TSTD1: variants seen among roughly 807,000 people sequenced by gnomAD.
TSTD1 encodes the protein thiosulfate:glutathione sulfurtransferase.
Under a neutral mutation model 12.6 loss-of-function variants are expected in TSTD1, and 7 were observed. The ratio of observed to expected loss-of-function variants is 0.55; its 90% confidence interval spans 0.32 to 1.04. The LOEUF (loss-of-function observed/expected upper bound fraction) is 1.04. Among genes scored for constraint, TSTD1 ranks in the 50% least tolerant of loss-of-function variants. The pLI, the probability that TSTD1 is intolerant of heterozygous loss-of-function variation, is 0.05. For synonymous variants in TSTD1, 73 were observed against 59.7 expected (o/e 1.22, Z -1.03); for missense variants, 156 against 151.0 (o/e 1.03, Z -0.17).
chr1:161,038,396 A>T (rs1381765323), intron 2 of TSTD1, 155 bp downstream of exon 2: 1 of 923,406 alleles, frequency 1.1e-6, no homozygotes. Context: ...GCCCCCCATC[A>T]GTCCTTCCTA....
At chr1:161,038,781 C>CA in intron 1 of TSTD1, 99 bp downstream of exon 1, 2 of 1,520,526 alleles carry the variant, frequency 1.3e-6, no homozygotes, top group Non-Finnish European at 1.8e-6. Context: ...TGCACGAAGA[C>CA]CCCTCAGCCA....
In TSTD1 at chr1:161,038,941, C is replaced by G. The variant is rs1415232611; in HGVS notation, c.-52G>C. 1.3e-6 allele frequency: 2 copies of G among 1,547,408 alleles called. No homozygotes were observed. The highest frequency in any genetic ancestry group is 1.4e-5 in the African/African-American group (1 of 72,968). ...GGAGTGCGGCCCTGGCCCGCCCTCT[C>G]GGCGCCTGCAACATCTCCCGTTCCC... On this transcript the variant is annotated 5_prime_UTR_variant, in exon 1 of 4. Coordinates refer to ENST00000423014, the MANE Select transcript of TSTD1 (RefSeq NM_001113207.2).
chr1:161,038,873 C>A lies in TSTD1; in HGVS notation c.10+7G>T, dbSNP rs1450949039. On this transcript the variant is annotated splice_region_variant and intron_variant, in intron 1 of 3. Transcript: ENST00000423014. ...GAACCGCGGCCCCAGGAATCCCCCG[C>A]AGGTACCTCCAGCCATGGTGCGCGT... The A allele has an allele frequency of 6.5e-7, 1 of 1,550,072 alleles. No individual in the cohort carries two copies.
chr1:161,038,129 G>A (rs1323055411), intron 2 of TSTD1, 54 bp from the exon 3 acceptor site: 8 of 1,527,820 alleles, frequency 5.2e-6, no homozygotes, highest in Admixed American at 2.0e-5. Flanking sequence ...ACTCAGGTTC[G>A]GAAGCTGGGC....
intron 2 of TSTD1, 42 bp from the exon 3 acceptor site, chr1:161,038,117 G>A (rs1650303083): frequency 6.5e-7 from 1 of 1,538,636 alleles, no homozygotes. Flanking sequence ...CAGCAATTTG[G>A]CACTCAGGTT....
intron 2 of TSTD1, 68 bp downstream of exon 2, chr1:161,038,483 C>T (rs1195253507): frequency 5.4e-5 from 78 of 1,450,058 alleles, no homozygotes; most frequent in Non-Finnish European, 7.0e-5. Flanking sequence ...TAAATGAGGT[C>T]CCATTGGCAA....
chr1:161,037,877 C>T, intron 3 of TSTD1, 36 bp downstream of exon 3: 1 of 1,551,794 alleles, frequency 6.4e-7, no homozygotes, highest in Non-Finnish European at 8.7e-7. Context: ...AGGCAGTCCC[C>T]ATCACCTCCC....
rs760055045 is a variant in TSTD1 at position 161,038,716 on chromosome 1, G to T, written c.11-43C>A. 5 of 1,529,172 alleles carry T rather than the reference G, an allele frequency of 3.3e-6. No homozygotes were observed. The South Asian group carries it at 6.0e-5, about 18-fold the overall frequency. 94.7% of individuals were successfully genotyped at this position (1,529,172 alleles called of 1,614,324 possible). A position where few individuals can be genotyped will look rare whatever the true frequency, so the allele number is the denominator to read the frequency against. On this transcript the variant is annotated intron_variant, in intron 1 of 3. Transcript: ENST00000423014. ...CAGCCTTCAGGAAGAGGGGGCCTAG[G>T]AGTCACGGCCGCCATGGCATCCCCT... is the stretch of plus-strand genomic sequence containing the variant.
rs1038610482 is a variant in TSTD1 at position 161,038,620 on chromosome 1, G to A, written c.64C>T (p.Arg22Trp). The change falls in exon 2 of 4, where the codon CGG becomes TGG. Residue 22 changes from arginine to tryptophan, a missense_variant. Coordinates refer to ENST00000423014, the MANE Select transcript of TSTD1 (RefSeq NM_001113207.2). ...LRSLLASGRA[R>W]LFDVRSREEA... ...TCGCGAGAGCGCACGTCGAAGAGCC[G>A]GGCCCGTCCGGAGGCTAGGAGTGAA... 1 of 1,550,812 alleles carries A rather than the reference G, an allele frequency of 6.4e-7. No homozygotes were observed.
At chr1:161,038,222 C>T in intron 2 of TSTD1, 147 bp from the exon 3 acceptor site, 1 of 858,870 alleles carries the variant, frequency 1.2e-6, no homozygotes, top group East Asian at 2.7e-5. Context: ...GGAACAGAAA[C>T]CGACAACTTT....
Position 161,038,647 on chromosome 1 carries a change from GGAGTTCAGGAAGC to G in TSTD1, c.24_36del (p.Leu9ValfsTer4). 1.3e-6 allele frequency: 2 copies of G among 1,549,530 alleles called. No individual in the cohort carries two copies. The highest frequency in any genetic ancestry group is 1.7e-6 in the Non-Finnish European group (2 of 1,145,242). On this transcript the variant is annotated frameshift_variant, in exon 2 of 4. Transcript: ENST00000423014. LOFTEE classifies it high-confidence loss of function. ...GCCCGTCCGGAGGCTAGGAGTGAACGGAGTTCAGGAAGCGAGACCGTGGGCGCTGAGGAAGGGG... is the reference window on the plus strand; with the variant it reads ...GCCCGTCCGGAGGCTAGGAGTGAACGGAGACCGTGGGCGCTGAGGAAGGGG...
chr1:161,038,738 C>T, intron 1 of TSTD1, 65 bp from the exon 2 acceptor site: 3 of 1,522,850 alleles, frequency 2.0e-6, no homozygotes, highest in Non-Finnish European at 2.7e-6. Flanking sequence ...CCATGGCATC[C>T]CCTCACCTGG....
In TSTD1 at chr1:161,037,757, C is replaced by T; in HGVS notation, c.*18G>A. On this transcript the variant is annotated 3_prime_UTR_variant, in exon 4 of 4. Transcript: ENST00000423014. ...CATTAAGGGGCCAGGGGGTGGCAAT[C>T]AGTAAGCTGCCTCCTGCCTAACTCT... 1 of 1,551,748 alleles carries T rather than the reference C, an allele frequency of 6.4e-7. No homozygotes were observed. The highest frequency in any genetic ancestry group is 8.7e-7 in the Non-Finnish European group (1 of 1,147,012).
chr1:161,037,821 C>G lies in TSTD1; in HGVS notation c.302G>C (p.Arg101Pro), dbSNP rs368549475. 4 of 1,551,734 alleles carry G rather than the reference C, an allele frequency of 2.6e-6. No homozygotes were observed. The highest frequency in any genetic ancestry group is 3.5e-6 in the Non-Finnish European group (4 of 1,147,000). Reference protein sequence around the residue: ...LARSLGYTGARNYAGAYREWL... With the variant: ...LARSLGYTGAPNYAGAYREWL... ...TTCTCTATAGGCTCCAGCGTAGTTG[C>G]GAGCCCTGTGGAGACAAAGAAGCGT... The change falls in exon 4 of 4, where the codon CGC becomes CCC. Residue 101 changes from arginine to proline, a missense_variant. By Grantham distance (103) the Arg-to-Pro change is moderately radical. Coordinates refer to ENST00000423014, the MANE Select transcript of TSTD1 (RefSeq NM_001113207.2).
rs1650306598 is a variant in TSTD1 at position 161,038,182 on chromosome 1, A to G, written c.134-107T>C. On this transcript the variant is annotated intron_variant, in intron 2 of 3. Transcript: ENST00000423014. ...TGGGGGCCCCCAAACAACATATGATAACCATCCCCTACCCCCACCCCAATT... is the reference window on the plus strand; with the variant it reads ...TGGGGGCCCCCAAACAACATATGATGACCATCCCCTACCCCCACCCCAATT... The G allele has an allele frequency of 5.6e-6, 6 of 1,069,174 alleles. No homozygotes were observed. In the East Asian group the frequency reaches 1.6e-4, roughly 28 times the overall value. The allele number at this position is 1,069,174 out of a possible 1,614,324, so 66.2% of individuals were successfully genotyped here. A position where few individuals can be genotyped will look rare whatever the true frequency, so the allele number is the denominator to read the frequency against.
chr1:161,038,953 C>T lies in TSTD1; in HGVS notation c.-64G>A, dbSNP rs1033256482. ...TGGCCCGCCCTCTCGGCGCCTGCAACATCTCCCGTTCCCTCCCAGAGCTGA... is the reference window on the plus strand; with the variant it reads ...TGGCCCGCCCTCTCGGCGCCTGCAATATCTCCCGTTCCCTCCCAGAGCTGA... On this transcript the variant is annotated 5_prime_UTR_variant, in exon 1 of 4. An upstream start codon of the reference 5' UTR is lost. Coordinates refer to ENST00000423014, the MANE Select transcript of TSTD1 (RefSeq NM_001113207.2). The T allele has an allele frequency of 5.8e-6, 9 of 1,547,660 alleles. No individual in the cohort carries two copies. The highest frequency in any genetic ancestry group is 7.9e-6 in the Non-Finnish European group (9 of 1,144,104).
chr1:161,038,215 A>C (rs1650308912), intron 2 of TSTD1, 140 bp from the exon 3 acceptor site: 1 of 865,796 alleles, frequency 1.2e-6, no homozygotes, highest in Non-Finnish European at 1.7e-6. Flanking sequence ...ATTTCAAGGA[A>C]CAGAAACCGA....
intron 1 of TSTD1, 63 bp downstream of exon 1, chr1:161,038,817 C>T: frequency 1.3e-6 from 2 of 1,530,448 alleles, no homozygotes; most frequent in South Asian, 2.4e-5. Context: ...CCACCCCACT[C>T]CCTGCCACGC....
chr1:161,038,171 C>T, intron 2 of TSTD1, 96 bp from the exon 3 acceptor site: 2 of 1,251,356 alleles, frequency 1.6e-6, no homozygotes, highest in Non-Finnish European at 2.2e-6. Context: ...GGCCCCCAAA[C>T]AACATATGAT....
Sources: allele counts gnomAD v4.1 joint callset, GRCh38; gene constraint gnomAD v4.1.1; transcripts MANE v1.5; gene names NCBI Gene and HGNC (gene_info 2026-07-23, HGNC 2026-07-21).